Variants in TFIP11 observed in about 807,000 individuals in gnomAD.
The protein encoded by TFIP11 is tuftelin-interacting protein 11.
A neutral mutation model predicts 96.8 loss-of-function variants in TFIP11; 86 were observed. The observed-to-expected ratio is 0.89, with a 90% CI of 0.75 to 1.06. The LOEUF (loss-of-function observed/expected upper bound fraction) is 1.06. Ranked by LOEUF, TFIP11 falls within the 50% of genes least tolerant of loss-of-function variation. The pLI, the probability that TFIP11 is intolerant of heterozygous loss-of-function variation, is 0.00. For synonymous variants in TFIP11, 405 were observed against 395.2 expected, an observed-to-expected ratio of 1.02 and a Z score of -0.29; for missense variants, 881 against 1,076.7, an observed-to-expected ratio of 0.82 and a Z score of 2.54.
rs1446670188 is a variant in TFIP11 at position 26,506,842 on chromosome 22, T to C, written c.296A>G (p.Asp99Gly). 1 of 1,614,210 alleles carries C rather than the reference T, an allele frequency of 6.2e-7. No homozygotes were observed. Among genetic ancestry groups the C allele is most frequent in the South Asian group, 1.1e-5 (1 of 91,090 alleles). ...AAEEAELEDS[D>G]DEEKPVKQDD... ...CTGCTTAACAGGTTTCTCTTCGTCA[T>C]CAGAATCTTCCAACTCTGCCTCCTC... is the stretch of plus-strand genomic sequence containing the variant. The change falls in exon 5 of 15, where the codon GAT (aspartate) becomes GGT (glycine). Residue 99 changes from aspartate (D) to glycine (G), a missense_variant. Asp to Gly is a moderately conservative substitution (Grantham distance 94). Transcript: ENST00000407690.
chr22:26,506,248 T>A, intron 6 of TFIP11, 55 bp downstream of exon 6: 1 of 1,507,742 alleles, frequency 6.6e-7, no homozygotes, highest in Non-Finnish European at 8.9e-7. Context: ...CCAACGCCCC[T>A]CTCCTTCCCT....
chr22:26,491,682 G>A lies in TFIP11; in HGVS notation c.*331C>T. 6.2e-7 allele frequency: 1 copy of A among 1,606,004 alleles called. No individual in the cohort carries two copies. The highest frequency in any genetic ancestry group is 8.5e-7 in the Non-Finnish European group (1 of 1,179,266). Reference sequence around the variant, plus strand: ...TTCTGCTACTGACTGAACTCGTTGTGAGGTACTCAGTGTTGGCTGAGGTAG... The same window carrying A: ...TTCTGCTACTGACTGAACTCGTTGTAAGGTACTCAGTGTTGGCTGAGGTAG... On this transcript the variant is annotated 3_prime_UTR_variant, in exon 15 of 15. Coordinates refer to ENST00000407690, the MANE Select transcript of TFIP11 (RefSeq NM_012143.4).
chr22:26,503,045 GAA>G (rs959919140), intron 7 of TFIP11, among the ~76,000 whole-genome samples: 2 of 152,180 alleles, frequency 1.3e-5, no homozygotes, highest in Non-Finnish European at 2.9e-5. Context: ...ATTCAAACAG[GAA>G]AAGAGTAATA....
chr22:26,503,865 A>G, intron 6 of TFIP11, 72 bp from the exon 7 acceptor site: 6 of 1,576,620 alleles, frequency 3.8e-6, no homozygotes, highest in Non-Finnish European at 5.2e-6. Flanking sequence ...TCAGCCACTC[A>G]GTGAAATGAC....
chr22:26,499,565 T>G lies in TFIP11; in HGVS notation c.868A>C (p.Asn290His), dbSNP rs772437559. The G allele has an allele frequency of 6.2e-7, 1 of 1,614,182 alleles. No homozygotes were observed. Among genetic ancestry groups the G allele is most frequent in the Admixed American group, 1.7e-5 (1 of 60,024 alleles). ...AGCGGCAGCCCATCATCGGGAACGT[T>G]GTGCTTGTGGCTGATCTGACTGTAG... ...YSYSQISHKH[N>H]VPDDGLPLQS... is the part of the protein sequence containing the mutation. Residue 290 changes from asparagine (N) to histidine (H), a missense_variant, in exon 9 of 15, where the codon AAC (asparagine) becomes CAC (histidine). Transcript: ENST00000407690.
chr22:26,502,482 T>C (rs1213702882), intron 7 of TFIP11, among the ~76,000 whole-genome samples: 1 of 152,072 alleles, frequency 6.6e-6, no homozygotes, highest in African/African-American at 2.4e-5. Context: ...AAAGCAAAGG[T>C]GTCTCTTACA....
intron 5 of TFIP11, 77 bp from the exon 6 acceptor site, chr22:26,506,536 G>C (rs1421841667): frequency 6.6e-7 from 1 of 1,521,668 alleles, no homozygotes; most frequent in Non-Finnish European, 8.8e-7. Flanking sequence ...TGGCCAACAG[G>C]AAAATGGCCT....
chr22:26,491,941 TA>T lies in TFIP11; in HGVS notation c.*71del. The T allele has an allele frequency of 7.1e-7, 1 of 1,414,474 alleles. No individual in the cohort carries two copies. Among genetic ancestry groups the T allele is most frequent in the Non-Finnish European group, 9.6e-7 (1 of 1,040,028 alleles). 87.6% of individuals were successfully genotyped at this position (1,414,474 alleles called of 1,614,324 possible). A position where few individuals can be genotyped will look rare whatever the true frequency, so the allele number is the denominator to read the frequency against. ...AGAAGTTACCCTTTTGAAGGTGATC[TA>T]AAAATACTGTTTATTTACAGTACAT... On this transcript the variant is annotated 3_prime_UTR_variant, in exon 15 of 15. Coordinates refer to ENST00000407690, the MANE Select transcript of TFIP11 (RefSeq NM_012143.4).
At chr22:26,500,314 C>T (rs374944846) in intron 8 of TFIP11, among the ~76,000 whole-genome samples, 4 of 152,032 alleles carry the variant, frequency 2.6e-5, no homozygotes, top group African/African-American at 4.8e-5. Context: ...GGACTACAGG[C>T]GCCCGTCACT....
rs761644326 is a variant in TFIP11 at position 26,496,798 on chromosome 22, T to C, written c.1528A>G (p.Ser510Gly). 3 of 1,614,182 alleles carry C rather than the reference T, an allele frequency of 1.9e-6. No individual in the cohort carries two copies. In the South Asian group the frequency reaches 3.3e-5, roughly 18 times the overall value. ...CACACAGGAATAATGTGCACCCAAC[T>C]ATCCAAAAAGTCCACCATCGGGTCA... ...NCDPMVDFLD[S>G]WVHIIPVWIL... is the part of the protein sequence containing the mutation. Residue 510 changes from serine to glycine, a missense_variant, in exon 11 of 15, where the codon AGT (serine) becomes GGT (glycine). Physicochemically the swap from Ser to Gly is moderately conservative, Grantham distance 56. Transcript: ENST00000407690.
intron 6 of TFIP11, among the ~76,000 whole-genome samples, chr22:26,505,733 T>TATTC (rs1923327251): frequency 1.7e-5 from 2 of 116,604 alleles, no homozygotes; most frequent in East Asian, 2.4e-4. Context: ...TTTATTTATT[T>TATTC]ATTCAGGGAT....
Position 26,498,909 on chromosome 22 carries a change from A to G in TFIP11, c.1396T>C (p.Ser466Pro). The change falls in exon 10 of 15, where the codon TCC (serine) becomes CCC (proline). Residue 466 changes from serine to proline, a missense_variant. Ser to Pro is a moderately conservative substitution (Grantham distance 74). Coordinates refer to ENST00000407690, the MANE Select transcript of TFIP11 (RefSeq NM_012143.4). ...KSLLENDQLLSHGGQDLSADA... is the reference protein window; with the variant it reads ...KSLLENDQLLPHGGQDLSADA... ...GCTGAGAGGTCCTGTCCGCCATGGGACAAGAGCTGGTCATTCTCTAGGAGG... is the reference window on the plus strand; with the variant it reads ...GCTGAGAGGTCCTGTCCGCCATGGGGCAAGAGCTGGTCATTCTCTAGGAGG... 6.2e-7 allele frequency: 1 copy of G among 1,613,788 alleles called. No individual in the cohort carries two copies. Among genetic ancestry groups the G allele is most frequent in the Non-Finnish European group, 8.5e-7 (1 of 1,179,966 alleles).
At position 26,492,027 on chromosome 22, in the gene TFIP11, CGATCAGGCTCTGCAGTGAGGTG is replaced by C. The variant is rs1465378564; in HGVS notation, c.2478_2499del (p.Ser828TrpfsTer17). The C allele has an allele frequency of 1.9e-6, 3 of 1,598,032 alleles. No homozygotes were observed. The African/African-American group carries it at 4.0e-5, about 21-fold the overall frequency. On this transcript the variant is annotated frameshift_variant, in exon 15 of 15. Transcript: ENST00000407690. LOFTEE classifies it high-confidence loss of function. The stretch of plus-strand genomic sequence containing the variant: ...CCTGCCACAGTTCACTTGGCCATGT[CGATCAGGCTCTGCAGTGAGGTG>C]GGCACCCACGTCTTCTCGCCCTGGA...
chr22:26,493,925 G>T (rs1194312085), intron 14 of TFIP11: 2 of 544,322 alleles, frequency 3.7e-6, no homozygotes, highest in African/African-American at 3.8e-5. Context: ...TCCACTCAGG[G>T]AAGATGCCCC....
chr22:26,507,311 A>C (rs1008708620), intron 4 of TFIP11, among the ~76,000 whole-genome samples: 3 of 152,250 alleles, frequency 2.0e-5, no homozygotes, highest in African/African-American at 7.2e-5. Flanking sequence ...ATTTTGATGG[A>C]AAATCATAAA....
At position 26,496,648 on chromosome 22, in the gene TFIP11, G is replaced by A. The variant is rs115151738; in HGVS notation, c.1605+73C>T. 1.1e-3 allele frequency: 1,709 copies of A among 1,550,140 alleles called. 16 individuals are homozygous for A. In the African/African-American group the frequency reaches 0.02, roughly 18 times the overall value. On this transcript the variant is annotated intron_variant, in intron 11 of 14. Transcript: ENST00000407690. Reference sequence around the variant, plus strand: ...ATTCCAGGCGTTTTAACAGCACTGAGATAATGAAGCCACAGACTGAACAAG... The same window carrying A: ...ATTCCAGGCGTTTTAACAGCACTGAAATAATGAAGCCACAGACTGAACAAG...
chr22:26,499,756 G>A (rs1922553716), intron 8 of TFIP11, 125 bp from the exon 9 acceptor site: 1 of 1,020,466 alleles, frequency 9.8e-7, no homozygotes, highest in East Asian at 2.5e-5. Context: ...CAGAGCTGGA[G>A]AAGGGCAGTG....
chr22:26,499,142 G>A lies in TFIP11; in HGVS notation c.1291C>T (p.Leu431Phe), dbSNP rs745708615. ...CACTCCTTGAAGTACTCCTTCATGA[G>A]TGGATAGACGATGGCCACAGCAAGG... Reference protein sequence around the residue: ...VDLAVAIVYPLMKEYFKEWDP... With the variant: ...VDLAVAIVYPFMKEYFKEWDP... The change falls in exon 9 of 15, where the codon CTC (leucine) becomes TTC (phenylalanine). Residue 431 changes from leucine (L) to phenylalanine (F), a missense_variant. Physicochemically the swap from Leu to Phe is conservative, Grantham distance 22. Transcript: ENST00000407690. The A allele has an allele frequency of 3.8e-6, 6 of 1,596,614 alleles. No individual in the cohort carries two copies. The South Asian group carries it at 6.8e-5, about 18-fold the overall frequency.
chr22:26,505,215 A>G (rs1445067520), intron 6 of TFIP11, among the ~76,000 whole-genome samples: 8 of 152,124 alleles, frequency 5.3e-5, no homozygotes, highest in African/African-American at 7.2e-5. Flanking sequence ...GAAGAATCCA[A>G]CTGTTTGGTT....
Sources: gnomAD v4.1 joint callset for allele counts (sites outside exome capture counted in the v4.1 genomes callset) on GRCh38, gnomAD v4.1.1 for gene constraint, MANE v1.5 for transcripts, NCBI Gene and HGNC (gene_info 2026-07-23, HGNC 2026-07-21) for gene names.